The following STAU2 variants were observed in gnomAD, a reference collection of about 807,000 sequenced individuals.
STAU2 encodes the protein double-stranded RNA-binding protein Staufen homolog 2.
A neutral mutation model predicts 65.9 loss-of-function variants in STAU2; 20 were observed. That is an observed-to-expected ratio of 0.30 (90% confidence interval 0.21 to 0.44). The LOEUF (loss-of-function observed/expected upper bound fraction) is 0.44. Ranked by LOEUF, STAU2 falls within the 20% of genes least tolerant of loss-of-function variation. The pLI is 1.00. For synonymous variants in STAU2, 232 were observed against 233.9 expected (o/e 0.99, Z 0.07); for missense variants, 558 against 683.9 (o/e 0.82, Z 2.05).
intron 13 of STAU2, among the ~76,000 whole-genome samples, chr8:73,473,541 AT>A (rs1367652446): frequency 1.3e-4 from 20 of 152,216 alleles, no homozygotes; most frequent in African/African-American, 4.8e-4. Flanking sequence ...GACCTCAGAT[AT>A]ATGGATATGC....
chr8:73,724,818 G>A (rs958356903), intron 3 of STAU2, among the ~76,000 whole-genome samples: 1 of 151,920 alleles, frequency 6.6e-6, no homozygotes, highest in Admixed American at 6.6e-5. Context: ...CTCCCAAGTA[G>A]CTAGGACTAC....
chr8:73,574,813 G>T (rs1809397541), intron 12 of STAU2, among the ~76,000 whole-genome samples: 1 of 151,850 alleles, frequency 6.6e-6, no homozygotes, highest in Non-Finnish European at 1.5e-5. Context: ...TGTAAATGAC[G>T]AGTTAATGGG....
Position 73,421,354 on chromosome 8 carries a change from C to T in STAU2, c.*18G>A, listed in dbSNP as rs1401470124. On this transcript the variant is annotated 3_prime_UTR_variant, in exon 15 of 15. Coordinates refer to ENST00000524300, the MANE Select transcript of STAU2 (RefSeq NM_001164380.2). ...AGGTTTATAAGGATGCGGTGGCAGC[C>T]GCGGGTTCTGGGAGCTGCTAGACGG... is the stretch of plus-strand genomic sequence containing the variant. The T allele has an allele frequency of 1.0e-5, 16 of 1,536,770 alleles. No homozygotes were observed. The highest frequency in any genetic ancestry group is 4.1e-5 in the African/African-American group (3 of 73,146).
At chr8:73,462,150 GATCATTGCAACCTCC>G (rs1237857748) in intron 13 of STAU2, among the ~76,000 whole-genome samples, 1 of 152,042 alleles carries the variant, frequency 6.6e-6, no homozygotes, top group African/African-American at 2.4e-5. Flanking sequence ...CATGATCTTG[GATCATTGCAACCTCC>G]ACCTCCTGGG....
chr8:73,496,209 C>T (rs1456092392), intron 13 of STAU2, among the ~76,000 whole-genome samples: 2 of 150,808 alleles, frequency 1.3e-5, no homozygotes, highest in African/African-American at 4.9e-5. Flanking sequence ...TGTGTGTGTG[C>T]ATCAAAAATA....
intron 6 of STAU2, among the ~76,000 whole-genome samples, chr8:73,662,459 T>A (rs1816900398): frequency 6.6e-6 from 1 of 152,240 alleles, no homozygotes; most frequent in African/African-American, 2.4e-5. Flanking sequence ...CCGTGCTTTT[T>A]GTGTTCTAAG....
Position 73,421,230 on chromosome 8 carries a change from T to C in STAU2, c.*142A>G. The C allele has an allele frequency of 8.6e-6, 6 of 701,094 alleles. No homozygotes were observed. The highest frequency in any genetic ancestry group is 1.4e-5 in the Non-Finnish European group (6 of 419,450). The allele number at this position is 701,094 out of a possible 1,614,324, so 43.4% of individuals were successfully genotyped here. The stretch of plus-strand genomic sequence containing the variant: ...AGTTGAATAAACAGTACCATGTATA[T>C]TATCTCTCGTGTTAGAATAGTGTTG... On this transcript the variant is annotated 3_prime_UTR_variant, in exon 15 of 15. Coordinates refer to ENST00000524300, the MANE Select transcript of STAU2 (RefSeq NM_001164380.2).
At chr8:73,704,265 G>C (rs1472144994) in intron 4 of STAU2, among the ~76,000 whole-genome samples, 1 of 152,080 alleles carries the variant, frequency 6.6e-6, no homozygotes, top group Non-Finnish European at 1.5e-5. Context: ...CAATGTCATA[G>C]GAAAAGAGGG....
At chr8:73,502,925 T>A (rs1821845700) in intron 13 of STAU2, among the ~76,000 whole-genome samples, 1 of 152,146 alleles carries the variant, frequency 6.6e-6, no homozygotes, top group African/African-American at 2.4e-5. Context: ...TTTTATGTTA[T>A]CATAATTTTG....
At chr8:73,558,784 T>C (rs1330747988) in intron 12 of STAU2, among the ~76,000 whole-genome samples, 2 of 140,740 alleles carry the variant, frequency 1.4e-5, no homozygotes, top group Non-Finnish European at 3.1e-5. Flanking sequence ...CAACAAATAA[T>C]TTCTTTTCAT....
intron 6 of STAU2, among the ~76,000 whole-genome samples, chr8:73,663,768 T>C (rs1817020216): frequency 6.6e-6 from 1 of 152,186 alleles, no homozygotes; most frequent in Non-Finnish European, 1.5e-5. Context: ...ATACAGGTTG[T>C]GTACCTATTT....
Position 73,734,827 on chromosome 8 carries a change from G to A in STAU2, c.-18+3457C>T, listed in dbSNP as rs117418666. 9.4e-3 allele frequency among the ~76,000 whole-genome samples: 1,431 copies of A among 152,090 alleles called. 12 individuals carry two copies. The highest frequency in any genetic ancestry group is 0.013 in the Non-Finnish European group (885 of 67,974). On this transcript the variant is annotated intron_variant, in intron 3 of 14. Coordinates refer to ENST00000524300, the MANE Select transcript of STAU2 (RefSeq NM_001164380.2). ...AAAAATAAAAAAGCATCTAATTCAG[G>A]TATTTTAAGAAAACAAAAGCCTTCC...
chr8:73,742,095 G>T, intron 1 of STAU2: 1 of 475,808 alleles, frequency 2.1e-6, no homozygotes, highest in South Asian at 9.0e-5. Flanking sequence ...AATTCAGAAT[G>T]TTCACAGTGG....
intron 13 of STAU2, among the ~76,000 whole-genome samples, chr8:73,497,418 C>T (rs1821480410): frequency 6.6e-6 from 1 of 150,486 alleles, no homozygotes; most frequent in Admixed American, 6.7e-5. Context: ...TTTTAGTGAA[C>T]CACATTTATA....
intron 13 of STAU2, among the ~76,000 whole-genome samples, chr8:73,442,527 C>T (rs1045746810): frequency 6.6e-6 from 1 of 152,140 alleles, no homozygotes; most frequent in South Asian, 2.1e-4. Context: ...AGTGGTCTCC[C>T]TTACCTACCT....
chr8:73,729,377 T>G (rs574177178), intron 3 of STAU2, among the ~76,000 whole-genome samples: 1 of 152,352 alleles, frequency 6.6e-6, no homozygotes, highest in African/African-American at 2.4e-5. Flanking sequence ...TCGCATTACG[T>G]CTTTGTTTGG....
At chr8:73,652,090 T>C (rs1460590203) in intron 6 of STAU2, among the ~76,000 whole-genome samples, 5 of 152,040 alleles carry the variant, frequency 3.3e-5, no homozygotes, top group Non-Finnish European at 7.4e-5. Context: ...TTTTAAAAAG[T>C]GTTGGAAAAA....
chr8:73,669,035 TGGGTTCTG>T (rs1182723162), intron 6 of STAU2: 1 of 621,574 alleles, frequency 1.6e-6, no homozygotes. Flanking sequence ...ATGATTAATC[TGGGTTCTG>T]ACAAGGAAAA....
intron 13 of STAU2, among the ~76,000 whole-genome samples, chr8:73,525,386 A>C (rs1823297888): frequency 6.6e-6 from 1 of 152,218 alleles, no homozygotes; most frequent in Non-Finnish European, 1.5e-5. Flanking sequence ...ACTTATTACA[A>C]AAATTTTCTG....
Sources: allele counts gnomAD v4.1 joint callset (sites outside exome capture counted in the v4.1 genomes callset), GRCh38; gene constraint gnomAD v4.1.1; transcripts MANE v1.5; gene names NCBI Gene and HGNC (gene_info 2026-07-23, HGNC 2026-07-21).